Variants in CEP192 observed in about 807,000 individuals in gnomAD.
The protein encoded by CEP192 is centrosomal protein of 192 kDa.
Under a neutral mutation model 271.8 loss-of-function variants are expected in CEP192, and 151 were observed. That is an observed-to-expected ratio of 0.56 (90% CI 0.49 to 0.64). The LOEUF (loss-of-function observed/expected upper bound fraction) is 0.64, where lower values mean the gene tolerates loss of function less well. Among genes scored for constraint, CEP192 ranks in the 30% least tolerant of loss-of-function variants. The pLI is 0.00. For synonymous variants in CEP192, 995 were observed against 1,076.5 expected (o/e 0.92, Z 1.48); for missense variants, 2,910 against 3,020.5 (o/e 0.96, Z 0.86).
intron 39 of CEP192, among the ~76,000 whole-genome samples, chr18:13,104,593 CAG>C (rs1454165717): frequency 2.0e-5 from 3 of 152,144 alleles, no homozygotes; most frequent in Non-Finnish European, 2.9e-5. Context: ...GCCTAGGCAA[CAG>C]AGTCAGACCC....
chr18:13,026,660 C>T (rs2035319754), intron 9 of CEP192, among the ~76,000 whole-genome samples: 1 of 152,134 alleles, frequency 6.6e-6, no homozygotes, highest in Middle Eastern at 3.2e-3. Context: ...TGTGCTGTGT[C>T]CAGTCTACCA....
chr18:13,114,922 T>G (rs1363566669), intron 42 of CEP192, among the ~76,000 whole-genome samples: 1 of 152,218 alleles, frequency 6.6e-6, no homozygotes. Context: ...CAGCCGCATA[T>G]ATAGCTTTAA....
In CEP192 at chr18:13,049,010, C is replaced by G. The variant is rs143945010; in HGVS notation, c.2219C>G (p.Ala740Gly). Residue 740 changes from alanine to glycine, a missense_variant, in exon 16 of 45, where the codon GCA becomes GGA. By Grantham distance (60) the Ala-to-Gly change is moderately conservative. Transcript: ENST00000506447. ...TCCCAACTTGCTGCAATGATCAAGGCACTTTCAAATAAAACCAGAGACAAG... is the reference window on the plus strand; with the variant it reads ...TCCCAACTTGCTGCAATGATCAAGGGACTTTCAAATAAAACCAGAGACAAG... ...DPSQLAAMIK[A>G]LSNKTRDKTF... 29 of 1,614,042 alleles carry G rather than the reference C, an allele frequency of 1.8e-5. No individual in the cohort carries two copies. The highest frequency in any genetic ancestry group is 2.4e-5 in the Non-Finnish European group (28 of 1,180,038).
intron 9 of CEP192, among the ~76,000 whole-genome samples, chr18:13,025,562 T>G (rs762890530): frequency 6.6e-6 from 1 of 152,236 alleles, no homozygotes; most frequent in Non-Finnish European, 1.5e-5. Context: ...CATTTTCTCT[T>G]TGTTAGCATA....
intron 3 of CEP192, among the ~76,000 whole-genome samples, chr18:13,003,756 C>T (rs2033805958): frequency 6.6e-6 from 1 of 152,144 alleles, no homozygotes; most frequent in Non-Finnish European, 1.5e-5. Context: ...GCCGTAATTG[C>T]ACCACTGCAC....
chr18:13,049,635 G>C lies in CEP192; in HGVS notation c.2844G>C (p.Lys948Asn). 2 of 1,612,836 alleles carry C rather than the reference G, an allele frequency of 1.2e-6. No individual in the cohort carries two copies. Among genetic ancestry groups the C allele is most frequent in the Non-Finnish European group, 1.7e-6 (2 of 1,179,578 alleles). The change falls in exon 16 of 45, where the codon AAG becomes AAC. Residue 948 changes from lysine (K) to asparagine (N), a missense_variant. Coordinates refer to ENST00000506447, the MANE Select transcript of CEP192 (RefSeq NM_032142.4). ...TCAGTGAAATAAGCAACAGTGAGAA[G>C]CATGTGACTTTTGAAAACCATCGCA... The part of the protein sequence containing the change: ...ECVSEISNSE[K>N]HVTFENHRIV...
chr18:12,992,723 G>T (rs1237616847), intron 1 of CEP192, among the ~76,000 whole-genome samples: 1 of 152,170 alleles, frequency 6.6e-6, no homozygotes, highest in African/African-American at 2.4e-5. Context: ...ATCTTCCCGT[G>T]GGTTTTGTTA....
chr18:13,090,913 C>T (rs2039115962), intron 33 of CEP192, among the ~76,000 whole-genome samples: 1 of 152,110 alleles, frequency 6.6e-6, no homozygotes, highest in Admixed American at 6.6e-5. Flanking sequence ...TGGCATTGCC[C>T]CACCATATAG....
At chr18:13,051,785 C>T (rs2036807886) in intron 17 of CEP192, among the ~76,000 whole-genome samples, 1 of 152,200 alleles carries the variant, frequency 6.6e-6, no homozygotes, top group African/African-American at 2.4e-5. Flanking sequence ...CCTCTTGATC[C>T]ACCCTCCTCG....
At position 13,062,135 on chromosome 18, in the gene CEP192, A is replaced by T. The variant is rs79944409; in HGVS notation, c.4488+2823A>T. On this transcript the variant is annotated intron_variant, in intron 21 of 44. Coordinates refer to ENST00000506447, the MANE Select transcript of CEP192 (RefSeq NM_032142.4). ...ACCTGATGAACTTCAAAAACTACTG[A>T]TGTCTGTGTCTGAGCTTTGAGTCCA... 2.5e-3 allele frequency among the ~76,000 whole-genome samples: 384 copies of T among 152,314 alleles called. 9 individuals are homozygous for T. In the East Asian group the frequency reaches 0.049, roughly 20 times the overall value.
chr18:13,121,884 TCACC>T, intron 44 of CEP192, among the ~76,000 whole-genome samples: 1 of 152,386 alleles, frequency 6.6e-6, no homozygotes, highest in South Asian at 2.1e-4. Context: ...CAGTGACTTC[TCACC>T]CATGTGTGGG....
At chr18:13,060,760 A>G (rs1358027896) in intron 21 of CEP192, among the ~76,000 whole-genome samples, 1 of 151,964 alleles carries the variant, frequency 6.6e-6, no homozygotes, top group Non-Finnish European at 1.5e-5. Context: ...ATGTCTCTAC[A>G]CAAAATTTTA....
chr18:13,049,251 A>G lies in CEP192; in HGVS notation c.2460A>G (p.Gln820=), dbSNP rs750954985. ...DLSLPKEQTT[Q]DIHPVDLSAT... is the part of the protein sequence containing the mutation. ...CTTTGCCCAAAGAACAAACTACTCA[A>G]GACATTCATCCGGTGGACTTAAGTG... The change falls in exon 16 of 45, where the codon CAA becomes CAG. Residue 820 remains glutamine, a synonymous_variant. Coordinates refer to ENST00000506447, the MANE Select transcript of CEP192 (RefSeq NM_032142.4). The G allele has an allele frequency of 6.2e-7, 1 of 1,614,192 alleles. No individual in the cohort carries two copies. Among genetic ancestry groups the G allele is most frequent in the South Asian group, 1.1e-5 (1 of 91,088 alleles).
intron 42 of CEP192, among the ~76,000 whole-genome samples, chr18:13,115,559 G>A (rs1340205165): frequency 3.9e-5 from 6 of 152,118 alleles, no homozygotes. Flanking sequence ...TGACTGATAA[G>A]AAGGAGGTGA....
rs766558411 is a variant in CEP192 at position 13,073,180 on chromosome 18, T to C, written c.5611T>C (p.Phe1871Leu). 6.2e-7 allele frequency: 1 copy of C among 1,605,520 alleles called. No homozygotes were observed. Among genetic ancestry groups the C allele is most frequent in the Non-Finnish European group, 8.5e-7 (1 of 1,177,226 alleles). ...AAATCGATCACAACCAGGCATTAAGTTCACAGTAAGATCATTTTATTGCCT... is the reference window on the plus strand; with the variant it reads ...AAATCGATCACAACCAGGCATTAAGCTCACAGTAAGATCATTTTATTGCCT... ...LGNRSQPGIK[F>L]TIPLSGYGGT... is the part of the protein sequence containing the mutation. Residue 1871 changes from phenylalanine (F) to leucine (L), a missense_variant, in exon 30 of 45, where the codon TTC becomes CTC. Transcript: ENST00000506447.
chr18:13,122,684 G>T (rs2040725367), intron 44 of CEP192, among the ~76,000 whole-genome samples: 1 of 152,186 alleles, frequency 6.6e-6, no homozygotes, highest in Admixed American at 6.5e-5. Flanking sequence ...GGAGTTGGGG[G>T]CTGAGTGTGC....
At chr18:13,045,453 A>G (rs1046637354) in intron 15 of CEP192, among the ~76,000 whole-genome samples, 1 of 152,260 alleles carries the variant, frequency 6.6e-6, no homozygotes, top group Non-Finnish European at 1.5e-5. Context: ...TTGTTTAAAT[A>G]TGATACATAG....
At chr18:13,010,239 C>G (rs58871601) in intron 4 of CEP192, among the ~76,000 whole-genome samples, 69,371 of 151,980 alleles carry the variant, frequency 0.46, 16,082 homozygotes, top group Middle Eastern at 0.54. Context: ...CATTCACTTT[C>G]TTTTATCAAA....
chr18:13,087,698 A>C, intron 32 of CEP192, 52 bp downstream of exon 32: 7 of 878,230 alleles, frequency 8.0e-6, no homozygotes, highest in Non-Finnish European at 1.2e-5. Context: ...GAAATAATGA[A>C]GGCTTCTGTG....
Sources: allele counts gnomAD v4.1 joint callset (sites outside exome capture counted in the v4.1 genomes callset), GRCh38; gene constraint gnomAD v4.1.1; transcripts MANE v1.5; gene names NCBI Gene and HGNC (gene_info 2026-07-23, HGNC 2026-07-21).